Variants in DOCK3 observed in about 807,000 individuals in gnomAD.
The protein encoded by DOCK3 is dedicator of cytokinesis protein 3.
Under a neutral mutation model 265.6 loss-of-function variants are expected in DOCK3, and 60 were observed. The observed-to-expected ratio is 0.23, with a 90% CI of 0.18 to 0.28. The LOEUF (loss-of-function observed/expected upper bound fraction) is 0.28. DOCK3 is among the 10% of genes least tolerant of loss of function. The pLI is 1.00. For synonymous variants in DOCK3, 881 were observed against 938.0 expected (o/e 0.94, Z 1.11); for missense variants, 1,981 against 2,594.3 (o/e 0.76, Z 5.14).
intron 5 of DOCK3, among the ~76,000 whole-genome samples, chr3:51,017,303 A>G (rs998696927): frequency 2.7e-5 from 4 of 150,886 alleles, no homozygotes; most frequent in African/African-American, 9.8e-5. Context: ...AATTTTGTTT[A>G]TCTTTTCAAA....
At chr3:50,997,472 T>G (rs1484552651) in intron 5 of DOCK3, among the ~76,000 whole-genome samples, 4 of 152,060 alleles carry the variant, frequency 2.6e-5, no homozygotes, top group African/African-American at 9.7e-5. Flanking sequence ...GGATTAGGTG[T>G]AGGAGAGGCA....
intron 14 of DOCK3, among the ~76,000 whole-genome samples, 175 bp downstream of exon 14, chr3:51,214,422 T>C (rs763846632): frequency 2.6e-5 from 4 of 152,196 alleles, no homozygotes; most frequent in East Asian, 1.9e-4. Context: ...TTGGCTCTTA[T>C]AGGCATTTGT....
At chr3:50,705,244 GCT>G (rs1482728563) in intron 1 of DOCK3, among the ~76,000 whole-genome samples, 1 of 151,856 alleles carries the variant, frequency 6.6e-6, no homozygotes, top group Non-Finnish European at 1.5e-5. Flanking sequence ...ATATGGTTTA[GCT>G]CTGTGTCCCC....
At chr3:51,336,429 C>T (rs2084881649) in intron 35 of DOCK3, among the ~76,000 whole-genome samples, 1 of 151,838 alleles carries the variant, frequency 6.6e-6, no homozygotes, top group Non-Finnish European at 1.5e-5. Flanking sequence ...CTGGAATGGG[C>T]AACTGAGGGT....
At chr3:51,244,925 C>A (rs182455630) in intron 21 of DOCK3, among the ~76,000 whole-genome samples, 2 of 151,718 alleles carry the variant, frequency 1.3e-5, no homozygotes, top group Admixed American at 6.6e-5. Context: ...GAGAAACATT[C>A]GAATAGCTAA....
chr3:51,245,390 C>CT (rs71084137), intron 21 of DOCK3, among the ~76,000 whole-genome samples: 1,092 of 106,630 alleles, frequency 0.01, 17 homozygotes, highest in African/African-American at 0.03. Flanking sequence ...CATTTTCTTT[C>CT]TTTTTTTTTT....
At chr3:51,172,239 A>T (rs898003316) in intron 12 of DOCK3, among the ~76,000 whole-genome samples, 1 of 151,720 alleles carries the variant, frequency 6.6e-6, no homozygotes, top group Admixed American at 6.6e-5. Flanking sequence ...GCAGTGGCAC[A>T]ATCTCGACTC....
chr3:51,049,260 C>T (rs6800279), intron 5 of DOCK3, among the ~76,000 whole-genome samples: 112,695 of 151,676 alleles, frequency 0.74, 43,162 homozygotes, highest in Middle Eastern at 0.88. Context: ...TGGGAGGTGG[C>T]GATTGCAGTG....
rs149856686 is a variant in DOCK3, at chr3:51,276,549, C to G, written c.2677-1059C>G. 80 of 524,546 alleles carry G rather than the reference C, an allele frequency of 1.5e-4. No individual in the cohort carries two copies. The East Asian group carries it at 0.011, about 73-fold the overall frequency. 32.5% of individuals were successfully genotyped at this position (524,546 alleles called of 1,614,324 possible). ...ATACATCACTGGTAAGTGTTATGAT[C>G]AGTTCGACAGATAGGAAAGATGACT... On this transcript the variant is annotated intron_variant, in intron 25 of 52. Transcript: ENST00000266037.
chr3:51,317,855 G>A (rs562641159), intron 32 of DOCK3, among the ~76,000 whole-genome samples: 14 of 151,990 alleles, frequency 9.2e-5, no homozygotes, highest in Admixed American at 2.6e-4. Context: ...TAGTCCTTCC[G>A]TAGATCAGTA....
At chr3:51,191,677 G>T (rs2087956196) in intron 12 of DOCK3, among the ~76,000 whole-genome samples, 1 of 151,932 alleles carries the variant, frequency 6.6e-6, no homozygotes, top group African/African-American at 2.4e-5. Context: ...AAGCTTTCCT[G>T]TTCAGTTCTT....
At chr3:51,048,125 A>G (rs1409446431) in intron 5 of DOCK3, among the ~76,000 whole-genome samples, 4 of 152,138 alleles carry the variant, frequency 2.6e-5, no homozygotes, top group South Asian at 2.1e-4. Context: ...GATAAAAATC[A>G]TATGATCATC....
At chr3:50,975,230 G>A (rs2077399382) in intron 5 of DOCK3, among the ~76,000 whole-genome samples, 1 of 149,332 alleles carries the variant, frequency 6.7e-6, no homozygotes, top group Non-Finnish European at 1.5e-5. Context: ...GTTTTCAAAG[G>A]GAATGCTTCC....
intron 39 of DOCK3, among the ~76,000 whole-genome samples, chr3:51,349,594 G>C (rs1032304326): frequency 2.0e-5 from 3 of 152,170 alleles, no homozygotes; most frequent in Admixed American, 6.6e-5. Context: ...TGGCAGGCTG[G>C]CTTGATTGAA....
At chr3:50,872,767 C>T (rs985299501) in intron 3 of DOCK3, among the ~76,000 whole-genome samples, 3 of 152,160 alleles carry the variant, frequency 2.0e-5, no homozygotes, top group Admixed American at 2.0e-4. Context: ...ACCATCCTTC[C>T]CCTTCTTTCC....
At chr3:50,691,312 A>G (rs569344245) in intron 1 of DOCK3, among the ~76,000 whole-genome samples, 1 of 151,876 alleles carries the variant, frequency 6.6e-6, no homozygotes, top group African/African-American at 2.4e-5. Flanking sequence ...GTAATCATAC[A>G]ATGTTTGTCC....
chr3:50,863,423 G>A (rs1397878228), intron 3 of DOCK3: 1 of 519,946 alleles, frequency 1.9e-6, no homozygotes, highest in African/African-American at 1.9e-5. Context: ...TACAAGGGCA[G>A]AGGGTCTTTC....
At chr3:51,000,712 G>C (rs905037268) in intron 5 of DOCK3, among the ~76,000 whole-genome samples, 1 of 152,008 alleles carries the variant, frequency 6.6e-6, no homozygotes, top group African/African-American at 2.4e-5. Flanking sequence ...GAGTGTAGTG[G>C]CGCGATCTTG....
intron 22 of DOCK3, among the ~76,000 whole-genome samples, chr3:51,249,788 T>C (rs1468371279): frequency 2.1e-5 from 3 of 144,806 alleles, no homozygotes; most frequent in Non-Finnish European, 4.5e-5. Context: ...CAACAGCTCA[T>C]TGAGAACGGG....
Sources: gnomAD v4.1 joint callset for allele counts (sites outside exome capture counted in the v4.1 genomes callset) on GRCh38, gnomAD v4.1.1 for gene constraint, MANE v1.5 for transcripts, NCBI Gene and HGNC (gene_info 2026-07-23, HGNC 2026-07-21) for gene names.